PDZD2: variants seen among roughly 807,000 people sequenced by gnomAD.
PDZD2 encodes the protein PDZ domain-containing protein 2.
In PDZD2, 90 loss-of-function variants were observed where a neutral mutation model predicts 220.7. The ratio of observed to expected loss-of-function variants is 0.41; its 90% CI spans 0.34 to 0.49. The LOEUF (loss-of-function observed/expected upper bound fraction) is 0.49, where lower values mean the gene tolerates loss of function less well. Ranked by LOEUF, PDZD2 falls within the 20% of genes least tolerant of loss-of-function variation. The probability of loss-of-function intolerance (pLI) is 0.28; values close to 1 mark genes in which losing one functional copy is unlikely to be tolerated. For missense variants in PDZD2, 3,174 were observed against 3,608.5 expected, an observed-to-expected ratio of 0.88 and a Z score of 3.08; for synonymous variants, 1,375 against 1,450.5, an observed-to-expected ratio of 0.95 and a Z score of 1.18.
At chr5:32,033,651 G>A (rs1022465168) in intron 6 of PDZD2, among the ~76,000 whole-genome samples, 1 of 149,736 alleles carries the variant, frequency 6.7e-6, no homozygotes, top group Non-Finnish European at 1.5e-5. Flanking sequence ...ACAGAGCCTC[G>A]CTCTTTTGCC....
At chr5:31,861,014 C>T (rs894888641) in intron 2 of PDZD2, among the ~76,000 whole-genome samples, 6 of 152,274 alleles carry the variant, frequency 3.9e-5, no homozygotes, top group Admixed American at 2.0e-4. Context: ...AAAGAGCTCG[C>T]TATCAAAGGC....
chr5:31,830,906 C>T (rs1756539808), intron 2 of PDZD2, among the ~76,000 whole-genome samples: 1 of 152,162 alleles, frequency 6.6e-6, no homozygotes, highest in East Asian at 1.9e-4. Flanking sequence ...GGCATTGTGG[C>T]ACAGCTCAGA....
intron 14 of PDZD2, among the ~76,000 whole-genome samples, chr5:32,063,027 A>ATAATATTATTATTATTAT (rs1554035816): frequency 7.0e-6 from 1 of 142,328 alleles, no homozygotes; most frequent in Non-Finnish European, 1.5e-5. Flanking sequence ...TGAGAATGAA[A>ATAATATTATTATTATTAT]TATTATTATT....
In PDZD2 at chr5:32,110,127, A is replaced by G. The variant is rs1461634630; in HGVS notation, c.*1992A>G. ...CTAAATCAAAGACTATTTCAAGTCAACAACACTGAAAACTGCTTTTCGCCT... is the reference window on the plus strand; with the variant it reads ...CTAAATCAAAGACTATTTCAAGTCAGCAACACTGAAAACTGCTTTTCGCCT... On this transcript the variant is annotated 3_prime_UTR_variant, in exon 25 of 25. Coordinates refer to ENST00000438447, the MANE Select transcript of PDZD2 (RefSeq NM_178140.4). 6.5e-6 allele frequency: 1 copy of G among 152,688 alleles called. No individual in the cohort carries two copies. Among genetic ancestry groups the G allele is most frequent in the African/African-American group, 2.4e-5 (1 of 41,462 alleles). The allele number at this position is 152,688 out of a possible 1,614,324, so 9.5% of individuals were successfully genotyped here.
rs993639684 is a variant in PDZD2 at position 32,072,263 on chromosome 5, C to G, written c.2671C>G (p.Pro891Ala). ...MVAGSEDEDH[P>A]GSGCSTSEEG... The stretch of plus-strand genomic sequence containing the variant: ...GGCCGGTTCTGAGGACGAGGATCAC[C>G]CGGGAAGTGGCTGCAGCACGTCGGA... The change falls in exon 17 of 25, where the codon CCG becomes GCG. Residue 891 changes from proline to alanine, a missense_variant. Pro to Ala is a conservative substitution (Grantham distance 27, BLOSUM62 -1). Coordinates refer to ENST00000438447, the MANE Select transcript of PDZD2 (RefSeq NM_178140.4). 6.2e-7 allele frequency: 1 copy of G among 1,614,108 alleles called. No homozygotes were observed. Among genetic ancestry groups the G allele is most frequent in the Non-Finnish European group, 8.5e-7 (1 of 1,179,966 alleles).
intron 2 of PDZD2, among the ~76,000 whole-genome samples, chr5:31,884,285 G>A (rs79577529): frequency 0.023 from 3,379 of 146,946 alleles, 122 homozygotes; most frequent in African/African-American, 0.083. Context: ...TCACAGACAC[G>A]TAACAGAGAC....
intron 2 of PDZD2, among the ~76,000 whole-genome samples, chr5:31,879,581 G>T (rs1263239307): frequency 1.3e-5 from 2 of 152,064 alleles, no homozygotes; most frequent in Non-Finnish European, 2.9e-5. Flanking sequence ...GGTCAAATCG[G>T]TTTCAGCAAG....
intron 1 of PDZD2, among the ~76,000 whole-genome samples, chr5:31,712,400 T>C (rs560549341): frequency 6.6e-6 from 1 of 151,980 alleles, no homozygotes; most frequent in East Asian, 1.9e-4. Flanking sequence ...ACCTTGGCAA[T>C]GAAGAGCTGG....
chr5:31,786,750 G>A (rs2877219), intron 1 of PDZD2, among the ~76,000 whole-genome samples: 104,956 of 152,014 alleles, frequency 0.69, 36,659 homozygotes, highest in African/African-American at 0.8. Context: ...CTGAGGCTCA[G>A]AGATTTTACA....
At chr5:31,972,849 G>A (rs1749430771) in intron 2 of PDZD2, among the ~76,000 whole-genome samples, 2 of 152,188 alleles carry the variant, frequency 1.3e-5, no homozygotes, top group African/African-American at 2.4e-5. Context: ...GATAAGTTGT[G>A]TGGTAGAGCT....
At chr5:32,103,245 C>A (rs1313140321) in intron 24 of PDZD2, among the ~76,000 whole-genome samples, 1 of 147,654 alleles carries the variant, frequency 6.8e-6, no homozygotes, top group East Asian at 1.9e-4. Flanking sequence ...TTATTTAAAA[C>A]AAACAAACAA....
chr5:31,807,088 T>C (rs1754775947), intron 2 of PDZD2, among the ~76,000 whole-genome samples: 1 of 152,010 alleles, frequency 6.6e-6, no homozygotes, highest in Non-Finnish European at 1.5e-5. Context: ...GTGCCTGCCA[T>C]TATGCCTGGC....
intron 2 of PDZD2, among the ~76,000 whole-genome samples, chr5:31,879,737 TTTC>T (rs1166666518): frequency 6.6e-6 from 1 of 152,052 alleles, no homozygotes; most frequent in Non-Finnish European, 1.5e-5. Context: ...TTTAAAACGT[TTTC>T]TTCTTAGCTT....
chr5:32,035,268 T>C (rs1369287039), intron 6 of PDZD2, among the ~76,000 whole-genome samples: 3 of 148,038 alleles, frequency 2.0e-5, no homozygotes, highest in African/African-American at 7.3e-5. Flanking sequence ...GAATTTTTTT[T>C]TTTCTTTTTT....
intron 14 of PDZD2, among the ~76,000 whole-genome samples, chr5:32,065,958 A>C (rs982261822): frequency 1.3e-5 from 2 of 151,994 alleles, no homozygotes; most frequent in Admixed American, 6.6e-5. Flanking sequence ...TGGGAGGCGG[A>C]GGTTGCAGTG....
intron 1 of PDZD2, among the ~76,000 whole-genome samples, chr5:31,666,631 C>T (rs1745998264): frequency 6.6e-6 from 1 of 152,150 alleles, no homozygotes; most frequent in South Asian, 2.1e-4. Flanking sequence ...CTGAGCTAAC[C>T]CCATTGGGAC....
chr5:31,732,669 T>C (rs1375566972), intron 1 of PDZD2, among the ~76,000 whole-genome samples: 1 of 152,242 alleles, frequency 6.6e-6, no homozygotes, highest in African/African-American at 2.4e-5. Flanking sequence ...GAGAAGGTCC[T>C]TGAAAGTTCC....
At chr5:32,012,763 A>G (rs1304749972) in intron 6 of PDZD2, among the ~76,000 whole-genome samples, 1 of 151,988 alleles carries the variant, frequency 6.6e-6, no homozygotes, top group African/African-American at 2.4e-5. Context: ...CATATACTAA[A>G]TACTAGTATA....
intron 3 of PDZD2, 78 bp from the exon 4 acceptor site, chr5:31,995,498 C>T (rs752294537): frequency 1.3e-4 from 196 of 1,466,710 alleles, no homozygotes; most frequent in Middle Eastern, 7.8e-4. Flanking sequence ...TTCGGCCAGA[C>T]GTGACAGCTC....
Sources: gnomAD v4.1 joint callset for allele counts (sites outside exome capture counted in the v4.1 genomes callset) on GRCh38, gnomAD v4.1.1 for gene constraint, MANE v1.5 for transcripts, NCBI Gene and HGNC (gene_info 2026-07-23, HGNC 2026-07-21) for gene names.